KIF1A: variants seen among roughly 807,000 people sequenced by gnomAD.
KIF1A encodes kinesin-like protein KIF1A.
In KIF1A, 46 loss-of-function variants were observed where a neutral mutation model predicts 227.3. The ratio of observed to expected loss-of-function variants is 0.20; its 90% confidence interval spans 0.16 to 0.26. The LOEUF (loss-of-function observed/expected upper bound fraction) is 0.26, where lower values mean the gene tolerates loss of function less well. KIF1A is among the 10% of genes least tolerant of loss of function. The pLI, the probability that KIF1A is intolerant of heterozygous loss-of-function variation, is 1.00. For synonymous variants in KIF1A, 1,022 were observed against 1,012.8 expected (o/e 1.01, Z -0.17); for missense variants, 1,683 against 2,485.9 (o/e 0.68, Z 6.87).
intron 5 of KIF1A, 34 bp downstream of exon 5, chr2:240,787,217 G>A: frequency 5.1e-6 from 8 of 1,562,418 alleles, no homozygotes; most frequent in Non-Finnish European, 7.1e-6. Flanking sequence ...TCCCAGCCCT[G>A]CCCCAGCGGC....
intron 37 of KIF1A, 162 bp from the exon 38 acceptor site, chr2:240,737,330 C>T (rs2047455490): frequency 1.7e-6 from 1 of 584,550 alleles, no homozygotes. Flanking sequence ...CCTACAGGGT[C>T]CTCAGCAACC....
intron 28 of KIF1A, among the ~76,000 whole-genome samples, chr2:240,749,748 T>G (rs980071866): frequency 6.6e-6 from 1 of 152,222 alleles, no homozygotes; most frequent in Non-Finnish European, 1.5e-5. Context: ...TCAGACACTC[T>G]GGGGCTGCCC....
Position 240,724,239 on chromosome 2 carries a change from CT to C in KIF1A, c.4257-204del, listed in dbSNP as rs1420790765. On this transcript the variant is annotated intron_variant, in intron 40 of 48. Coordinates refer to ENST00000498729, the MANE Select transcript of KIF1A (RefSeq NM_001244008.2). ...GGCCCCCAGAGAAAAGATGCATTGG[CT>C]GGTCTTGCTCAGGTGCCCATGGGGC... The C allele has an allele frequency of 5.5e-5, 34 of 615,516 alleles. No individual in the cohort carries two copies. The East Asian group carries it at 8.6e-4, about 15-fold the overall frequency. The allele number at this position is 615,516 out of a possible 1,614,324, so 38.1% of individuals were successfully genotyped here.
chr2:240,777,700 C>T (rs2052944025), intron 10 of KIF1A, among the ~76,000 whole-genome samples: 1 of 152,220 alleles, frequency 6.6e-6, no homozygotes, highest in Admixed American at 6.5e-5. Flanking sequence ...CCGCTGAACA[C>T]CCGCCCGCTG....
rs1238720301 is a variant in KIF1A at position 240,775,619 on chromosome 2, C to A, written c.958+232G>T. On this transcript the variant is annotated intron_variant, in intron 11 of 48. Coordinates refer to ENST00000498729, the MANE Select transcript of KIF1A (RefSeq NM_001244008.2). The surrounding 1 kb of genome is among the most constrained non-coding windows in gnomAD (Gnocchi z 5.5). ...ACACAGGCAGGTGTGTGCTGTGCCA[C>A]CCCCTGGGCTGTCCTGGTTCCCACA... 6.6e-6 allele frequency among the ~76,000 whole-genome samples: 1 copy of A among 152,220 alleles called. No homozygotes were observed. Among genetic ancestry groups the A allele is most frequent in the African/African-American group, 2.4e-5 (1 of 41,454 alleles).
At position 240,757,607 on chromosome 2, in the gene KIF1A, C is replaced by T. The variant is rs1488568007; in HGVS notation, c.2583-13G>A. ...AGAGATGGCTGAACTGAGGTTAGTG[C>T]GACAAGACAGAGAGAAGTTAACACC... is the stretch of plus-strand genomic sequence containing the variant. On this transcript the variant is annotated splice_polypyrimidine_tract_variant and intron_variant, in intron 26 of 48. Transcript: ENST00000498729. This position sits in a 1 kb window ranked among gnomAD's most constrained non-coding sequence, Gnocchi z 6.2. 5.8e-6 allele frequency: 9 copies of T among 1,549,240 alleles called. No homozygotes were observed. The highest frequency in any genetic ancestry group is 2.4e-5 in the East Asian group (1 of 40,888).
chr2:240,730,101 C>T (rs1391609752), intron 38 of KIF1A, among the ~76,000 whole-genome samples: 1 of 152,216 alleles, frequency 6.6e-6, no homozygotes, highest in South Asian at 2.1e-4. Context: ...ACTCCTTAGT[C>T]CCCCTATGCC....
chr2:240,732,480 G>C (rs1176001989), intron 38 of KIF1A, among the ~76,000 whole-genome samples: 1 of 145,352 alleles, frequency 6.9e-6, no homozygotes, highest in Non-Finnish European at 1.5e-5. Context: ...AGGGGGTGAG[G>C]GGAGGAAAGG....
At chr2:240,774,081 G>T in intron 12 of KIF1A, 102 bp downstream of exon 12, 1 of 697,560 alleles carries the variant, frequency 1.4e-6, no homozygotes, top group Non-Finnish European at 2.5e-6. Flanking sequence ...CCCTCACAAA[G>T]AGTCGCCCCT....
At chr2:240,722,339 TG>T in intron 43 of KIF1A, 116 bp downstream of exon 43, 4 of 951,880 alleles carry the variant, frequency 4.2e-6, no homozygotes, top group Non-Finnish European at 6.2e-6. Flanking sequence ...TCCTAGCTCC[TG>T]GTGGTGCTAA....
intron 1 of KIF1A, among the ~76,000 whole-genome samples, chr2:240,801,430 A>G (rs2126172524): frequency 6.6e-6 from 1 of 152,360 alleles, no homozygotes; most frequent in East Asian, 1.9e-4. Flanking sequence ...TAATAGAAAT[A>G]TAGAAAATTT....
intron 13 of KIF1A, 26 bp from the exon 14 acceptor site, chr2:240,772,622 G>A: frequency 6.6e-7 from 1 of 1,523,578 alleles, no homozygotes; most frequent in South Asian, 1.2e-5. Context: ...GCGTGGGGGA[G>A]GGGGAGAGAC....
At chr2:240,812,887 G>A (rs1306731535) in intron 1 of KIF1A, among the ~76,000 whole-genome samples, 39 of 138,970 alleles carry the variant, frequency 2.8e-4, no homozygotes, top group African/African-American at 9.3e-4. Context: ...TCGGGGATCC[G>A]CCTTCACCTC....
intron 27 of KIF1A, among the ~76,000 whole-genome samples, chr2:240,756,542 C>T (rs2049867873): frequency 6.6e-6 from 1 of 152,244 alleles, no homozygotes; most frequent in Admixed American, 6.5e-5. Flanking sequence ...TAACCAGCTT[C>T]TCTCTGCAAA....
At position 240,725,325 on chromosome 2, in the gene KIF1A, G is replaced by T; in HGVS notation, c.4202C>A (p.Ala1401Asp). The T allele has an allele frequency of 6.2e-7, 1 of 1,611,520 alleles. No homozygotes were observed. Among genetic ancestry groups the T allele is most frequent in the Non-Finnish European group, 8.5e-7 (1 of 1,179,414 alleles). Residue 1401 changes from alanine (A) to aspartate (D), a missense_variant, in exon 40 of 49, where the codon GCC (alanine) becomes GAC (aspartate). Transcript: ENST00000498729. This position sits in a 1 kb window ranked among gnomAD's most constrained non-coding sequence, Gnocchi z 5.8. ...AAAGAGGTTGCGGATGGAGCGCGAGGCTGGCAGCTTGGCATCACGGGAATA... is the reference window on the plus strand; with the variant it reads ...AAAGAGGTTGCGGATGGAGCGCGAGTCTGGCAGCTTGGCATCACGGGAATA... ...VFYSRDAKLP[A>D]SRSIRNLFGS...
In KIF1A at chr2:240,780,258, C is replaced by T. The variant is rs77595074; in HGVS notation, c.882+2332G>A. On this transcript the variant is annotated intron_variant, in intron 10 of 48. Coordinates refer to ENST00000498729, the MANE Select transcript of KIF1A (RefSeq NM_001244008.2). ...CTCCCCGAGCAGCTGCATGGCTCCT[C>T]GGCGTCCCTCACACGATTCCCACGC... 4.7e-3 allele frequency among the ~76,000 whole-genome samples: 717 copies of T among 152,120 alleles called. 10 individuals are homozygous for T. Among genetic ancestry groups the T allele is most frequent in the African/African-American group, 0.016 (679 of 41,452 alleles).
At chr2:240,794,775 G>C (rs1479813720) in intron 2 of KIF1A, among the ~76,000 whole-genome samples, 2 of 152,172 alleles carry the variant, frequency 1.3e-5, no homozygotes, top group African/African-American at 4.8e-5. Flanking sequence ...CTGGGTGCCT[G>C]TCCCTGCCAC....
At position 240,757,408 on chromosome 2, in the gene KIF1A, GTCCTCCTCCTCCTCATCCTCCTCCTCC is replaced by G. The variant is rs2049978380; in HGVS notation, c.2742_2768del (p.Glu914_Glu922del). 6.5e-7 allele frequency: 1 copy of G among 1,532,458 alleles called. No individual in the cohort carries two copies. The highest frequency in any genetic ancestry group is 2.5e-5 in the East Asian group (1 of 40,184). 94.9% of individuals were successfully genotyped at this position (1,532,458 alleles called of 1,614,324 possible). A position where few individuals can be genotyped will look rare whatever the true frequency, so the allele number is the denominator to read the frequency against. On this transcript the variant is annotated inframe_deletion, in exon 27 of 49. Coordinates refer to ENST00000498729, the MANE Select transcript of KIF1A (RefSeq NM_001244008.2). The surrounding 1 kb of genome is among the most constrained non-coding windows in gnomAD (Gnocchi z 6.2). ...GCTCCGGAAAGACGTCGTCCTCCAGGTCCTCCTCCTCCTCATCCTCCTCCTCCTCCTCCTCCTCCTCCTCCTCCCCCA... is the reference window on the plus strand; with the variant it reads ...GCTCCGGAAAGACGTCGTCCTCCAGGTCCTCCTCCTCCTCCTCCTCCCCCA...
At chr2:240,770,508 G>C (rs527554727) in intron 15 of KIF1A, among the ~76,000 whole-genome samples, 2 of 152,138 alleles carry the variant, frequency 1.3e-5, no homozygotes, top group Non-Finnish European at 2.9e-5. Flanking sequence ...GGGATGCTGC[G>C]GGGTGGGGAG....
Sources: allele counts gnomAD v4.1 joint callset (sites outside exome capture counted in the v4.1 genomes callset), GRCh38; gene constraint gnomAD v4.1.1; non-coding constraint Gnocchi (gnomAD v3.1); transcripts MANE v1.5; gene names NCBI Gene and HGNC (gene_info 2026-07-23, HGNC 2026-07-21).